The following GALNT14 variants were observed in gnomAD, a reference collection of about 807,000 sequenced individuals.
The protein encoded by GALNT14 is polypeptide N-acetylgalactosaminyltransferase 14.
GALNT14 carries 60 observed loss-of-function variants against 77.5 expected under a neutral mutation model. The observed-to-expected ratio is 0.77, with a 90% CI of 0.63 to 0.96. GALNT14 has a LOEUF of 0.96. Among genes scored for constraint, GALNT14 ranks in the 40% least tolerant of loss-of-function variants. GALNT14 has a pLI of 0.00. For missense variants in GALNT14, 710 were observed against 731.0 expected, an observed-to-expected ratio of 0.97 and a Z score of 0.33; for synonymous variants, 280 against 281.7, an observed-to-expected ratio of 0.99 and a Z score of 0.06.
At chr2:31,070,073 G>T (rs1220240627) in intron 1 of GALNT14, among the ~76,000 whole-genome samples, 1 of 152,134 alleles carries the variant, frequency 6.6e-6, no homozygotes, top group Admixed American at 6.5e-5. Context: ...AAGTACCTCT[G>T]GGAGAAAAGA....
chr2:30,924,785 C>A lies in GALNT14; in HGVS notation c.1190G>T (p.Cys397Phe). ...SRLDLRKNLRCQSFKWYLENI... is the reference protein window; with the variant it reads ...SRLDLRKNLRFQSFKWYLENI... ...CTCCAGGTACCACTTGAAGCTCTGGCAGCGCAGATTCTTCCTCAGGTCCAA... is the reference window on the plus strand; with the variant it reads ...CTCCAGGTACCACTTGAAGCTCTGGAAGCGCAGATTCTTCCTCAGGTCCAA... Residue 397 changes from cysteine (C) to phenylalanine (F), a missense_variant, in exon 12 of 15, where the codon TGC (cysteine) becomes TTC (phenylalanine). Physicochemically the swap from Cys to Phe is radical, Grantham distance 205 (BLOSUM62 -2). Transcript: ENST00000349752. 2 of 1,614,098 alleles carry A rather than the reference C, an allele frequency of 1.2e-6. No individual in the cohort carries two copies. The highest frequency in any genetic ancestry group is 1.7e-6 in the Non-Finnish European group (2 of 1,180,012).
intron 4 of GALNT14, 71 bp from the exon 5 acceptor site, chr2:30,956,048 C>A: frequency 6.7e-7 from 1 of 1,482,742 alleles, no homozygotes; most frequent in South Asian, 1.1e-5. Context: ...GTGTGCACTG[C>A]AGGTGAACCT....
In GALNT14 at chr2:31,037,402, G is replaced by C. The variant is rs142602497; in HGVS notation, c.130-44395C>G. ...AGACAATGTTCTCATACTCACTTTT[G>C]GTTTTCTAGACACTACTTCCTTTAG... On this transcript the variant is annotated intron_variant, in intron 1 of 14. Transcript: ENST00000349752. Among the ~76,000 whole-genome samples the C allele has an allele frequency of 2.6e-5, 4 of 152,096 alleles. No homozygotes were observed. The East Asian group carries it at 7.7e-4, about 29-fold the overall frequency.
chr2:30,932,576 T>G (rs1198073303), intron 9 of GALNT14, among the ~76,000 whole-genome samples: 1 of 152,178 alleles, frequency 6.6e-6, no homozygotes, highest in Non-Finnish European at 1.5e-5. Flanking sequence ...TTAGATGCAC[T>G]CCCTGTGATC....
At chr2:30,957,841 G>A (rs906243445) in intron 4 of GALNT14, among the ~76,000 whole-genome samples, 11 of 152,130 alleles carry the variant, frequency 7.2e-5, no homozygotes, top group South Asian at 4.1e-4. Context: ...CTGGGAGGAC[G>A]GCCTTCAGGT....
intron 13 of GALNT14, among the ~76,000 whole-genome samples, chr2:30,919,008 AG>A (rs1664873135): frequency 6.6e-6 from 1 of 152,154 alleles, no homozygotes; most frequent in Non-Finnish European, 1.5e-5. Flanking sequence ...CTGCCCACCC[AG>A]GGTACCCACC....
chr2:31,050,618 T>C (rs1673791187), intron 1 of GALNT14, among the ~76,000 whole-genome samples: 1 of 152,142 alleles, frequency 6.6e-6, no homozygotes. Flanking sequence ...CAGTTAACAG[T>C]GAAGCATCTG....
At chr2:30,973,910 A>G (rs555689560) in intron 2 of GALNT14, among the ~76,000 whole-genome samples, 106 of 152,348 alleles carry the variant, frequency 7.0e-4, no homozygotes, top group African/African-American at 2.4e-3. Context: ...AGTGCTGAAC[A>G]TATTATTAAT....
At chr2:30,919,547 G>T (rs1664908684) in intron 13 of GALNT14, among the ~76,000 whole-genome samples, 1 of 152,164 alleles carries the variant, frequency 6.6e-6, no homozygotes, top group South Asian at 2.1e-4. Flanking sequence ...CACAGTTGAG[G>T]ACCCTAGAGT....
At chr2:30,985,617 C>T (rs1669250445) in intron 2 of GALNT14, among the ~76,000 whole-genome samples, 1 of 152,214 alleles carries the variant, frequency 6.6e-6, no homozygotes, top group East Asian at 1.9e-4. Flanking sequence ...GCAACTCTTC[C>T]TGCTCTTCCC....
At chr2:31,039,959 G>C (rs568849425) in intron 1 of GALNT14, among the ~76,000 whole-genome samples, 2 of 152,278 alleles carry the variant, frequency 1.3e-5, no homozygotes, top group African/African-American at 2.4e-5. Context: ...TCTAATAAGA[G>C]AGTCATGAAA....
At chr2:31,122,866 C>T (rs547993266) in intron 1 of GALNT14, among the ~76,000 whole-genome samples, 242 of 152,244 alleles carry the variant, frequency 1.6e-3, no homozygotes, top group African/African-American at 5.8e-3. Flanking sequence ...ATAGACAATT[C>T]GTAAAGGAAT....
chr2:30,934,361 T>C (rs1228343098), intron 9 of GALNT14, among the ~76,000 whole-genome samples: 1 of 152,164 alleles, frequency 6.6e-6, no homozygotes, highest in Non-Finnish European at 1.5e-5. Context: ...GTTCCCAAAA[T>C]GGAAAACCCT....
intron 9 of GALNT14, among the ~76,000 whole-genome samples, chr2:30,935,280 C>G (rs966722313): frequency 6.6e-6 from 1 of 152,190 alleles, no homozygotes; most frequent in Non-Finnish European, 1.5e-5. Context: ...TGACACCACC[C>G]TGCCTCCATA....
chr2:30,993,723 C>T (rs1215763711), intron 1 of GALNT14, among the ~76,000 whole-genome samples: 2 of 152,366 alleles, frequency 1.3e-5, no homozygotes, highest in East Asian at 3.9e-4. Flanking sequence ...CTCATTTCAT[C>T]TTCACCCAAA....
At chr2:30,950,071 A>C (rs531174463) in intron 6 of GALNT14, among the ~76,000 whole-genome samples, 1 of 152,324 alleles carries the variant, frequency 6.6e-6, no homozygotes, top group East Asian at 1.9e-4. Flanking sequence ...AAGACAAATT[A>C]TTATTTGCAA....
intron 4 of GALNT14, among the ~76,000 whole-genome samples, chr2:30,958,121 T>A (rs1667476813): frequency 6.6e-6 from 1 of 151,664 alleles, no homozygotes; most frequent in Non-Finnish European, 1.5e-5. Context: ...GTTGGGGAGG[T>A]CCCAAAGACA....
intron 1 of GALNT14, among the ~76,000 whole-genome samples, chr2:31,106,693 T>C (rs891661144): frequency 6.6e-6 from 1 of 152,246 alleles, no homozygotes; most frequent in African/African-American, 2.4e-5. Flanking sequence ...GATTAGACTT[T>C]TCATCTGCTC....
At chr2:31,120,714 G>A (rs572431674) in intron 1 of GALNT14, among the ~76,000 whole-genome samples, 2 of 152,148 alleles carry the variant, frequency 1.3e-5, no homozygotes, top group East Asian at 1.9e-4. Context: ...GTGTGACCAC[G>A]CCCAGCTAAT....
Sources: allele counts gnomAD v4.1 joint callset (sites outside exome capture counted in the v4.1 genomes callset), GRCh38; gene constraint gnomAD v4.1.1; transcripts MANE v1.5; gene names NCBI Gene and HGNC (gene_info 2026-07-23, HGNC 2026-07-21).